MAST4: variants seen among roughly 807,000 people sequenced by gnomAD.
MAST4 encodes microtubule associated serine/threonine kinase family member 4, also known as microtubule-associated serine/threonine-protein kinase 4.
Under a neutral mutation model 162.7 loss-of-function variants are expected in MAST4, and 89 were observed. The observed-to-expected ratio is 0.55, with a 90% CI of 0.46 to 0.65. The LOEUF (loss-of-function observed/expected upper bound fraction) is 0.65, where lower values mean the gene tolerates loss of function less well. Ranked by LOEUF, MAST4 falls within the 30% of genes least tolerant of loss-of-function variation. MAST4 has a pLI of 0.00. For missense variants in MAST4, 3,153 were observed against 3,374.0 expected, an observed-to-expected ratio of 0.93 and a Z score of 1.62; for synonymous variants, 1,479 against 1,361.1, an observed-to-expected ratio of 1.09 and a Z score of -1.91.
At chr5:67,080,784 A>G (rs1011322236) in intron 5 of MAST4, among the ~76,000 whole-genome samples, 1 of 151,064 alleles carries the variant, frequency 6.6e-6, no homozygotes, top group African/African-American at 2.4e-5. Flanking sequence ...TCTGCCTCAA[A>G]AAAAATGAAA....
intron 3 of MAST4, among the ~76,000 whole-genome samples, chr5:66,845,948 T>G (rs896900129): frequency 1.3e-5 from 2 of 152,148 alleles, no homozygotes; most frequent in Non-Finnish European, 2.9e-5. Flanking sequence ...AAACATAACA[T>G]TTATTGAACT....
intron 1 of MAST4, among the ~76,000 whole-genome samples, chr5:66,700,072 G>A (rs1749668086): frequency 6.6e-6 from 1 of 152,198 alleles, no homozygotes. Context: ...CTGCAGCCCA[G>A]TGTCTTCTGC....
intron 4 of MAST4, among the ~76,000 whole-genome samples, chr5:66,981,963 A>G (rs1748905483): frequency 6.6e-6 from 1 of 152,160 alleles, no homozygotes; most frequent in Non-Finnish European, 1.5e-5. Context: ...ACTTTATCCC[A>G]TGATTTTTTA....
chr5:66,949,290 T>C (rs1305175404), intron 4 of MAST4, among the ~76,000 whole-genome samples: 6 of 152,146 alleles, frequency 3.9e-5, no homozygotes, highest in East Asian at 1.9e-4. Flanking sequence ...CCCACCCAGA[T>C]CTCGCCTTGA....
chr5:67,101,556 A>G (rs1182665760), intron 8 of MAST4, among the ~76,000 whole-genome samples: 1 of 152,214 alleles, frequency 6.6e-6, no homozygotes, highest in Non-Finnish European at 1.5e-5. Context: ...TCTTTATGCT[A>G]TAGAATTAGT....
intron 3 of MAST4, among the ~76,000 whole-genome samples, chr5:66,883,917 G>A (rs1046871966): frequency 2.0e-5 from 3 of 152,022 alleles, no homozygotes; most frequent in Non-Finnish European, 4.4e-5. Flanking sequence ...TTTTGGATGC[G>A]TTGCTGCAAT....
At chr5:66,609,570 A>G (rs1421052425) in intron 1 of MAST4, among the ~76,000 whole-genome samples, 1 of 147,910 alleles carries the variant, frequency 6.8e-6, no homozygotes, top group Non-Finnish European at 1.5e-5. Flanking sequence ...TTTTTTTTTT[A>G]AATACTGGGT....
At chr5:66,680,772 T>G (rs1204507873) in intron 1 of MAST4, among the ~76,000 whole-genome samples, 1 of 151,838 alleles carries the variant, frequency 6.6e-6, no homozygotes, top group East Asian at 1.9e-4. Flanking sequence ...GGAGAAAGAG[T>G]AAAGAGTGCA....
intron 1 of MAST4, among the ~76,000 whole-genome samples, chr5:66,671,039 A>G (rs902693710): frequency 1.3e-5 from 2 of 151,950 alleles, no homozygotes; most frequent in African/African-American, 2.4e-5. Context: ...GTTTTTTCTT[A>G]TATGGTTGCT....
intron 2 of MAST4, 122 bp from the exon 3 acceptor site, chr5:66,788,548 G>C: frequency 1.6e-6 from 2 of 1,271,634 alleles, no homozygotes; most frequent in Non-Finnish European, 2.2e-6. Flanking sequence ...TTATTACTGG[G>C]TATGGCAGAA....
chr5:66,924,273 T>C (rs1212199846), intron 4 of MAST4, among the ~76,000 whole-genome samples: 1 of 152,222 alleles, frequency 6.6e-6, no homozygotes, highest in African/African-American at 2.4e-5. Context: ...CCTGGAGGCA[T>C]TCCCAGTAAT....
At chr5:66,610,375 A>G (rs1743212332) in intron 1 of MAST4, among the ~76,000 whole-genome samples, 1 of 152,252 alleles carries the variant, frequency 6.6e-6, no homozygotes, top group South Asian at 2.1e-4. Flanking sequence ...AGATCAGCCT[A>G]CAACAGCCTA....
intron 4 of MAST4, among the ~76,000 whole-genome samples, chr5:67,051,378 G>T (rs1758163380): frequency 1.3e-5 from 2 of 152,128 alleles, no homozygotes; most frequent in African/African-American, 2.4e-5. Flanking sequence ...GCAGGAAAGT[G>T]TGTGATACCT....
At position 66,998,053 on chromosome 5, in the gene MAST4, A is replaced by G. The variant is rs1750870190; in HGVS notation, c.675-56351A>G. 2.0e-5 allele frequency among the ~76,000 whole-genome samples: 3 copies of G among 152,230 alleles called. No individual in the cohort carries two copies. In the South Asian group the frequency reaches 6.2e-4, roughly 32 times the overall value. Reference sequence around the variant, plus strand: ...TCTCATTTTAATGGCATAATTTTCCATAACTTTAGATGTATGACCTGGAAA... The same window carrying G: ...TCTCATTTTAATGGCATAATTTTCCGTAACTTTAGATGTATGACCTGGAAA... On this transcript the variant is annotated intron_variant, in intron 4 of 28. Transcript: ENST00000403625.
intron 10 of MAST4, among the ~76,000 whole-genome samples, chr5:67,108,503 A>G (rs779905543): frequency 6.6e-6 from 1 of 152,164 alleles, no homozygotes; most frequent in Non-Finnish European, 1.5e-5. Context: ...AGACAGTTTC[A>G]ATATTTGAGA....
chr5:66,826,912 G>A (rs1757290280), intron 3 of MAST4, among the ~76,000 whole-genome samples: 1 of 152,134 alleles, frequency 6.6e-6, no homozygotes, highest in Non-Finnish European at 1.5e-5. Flanking sequence ...GGAACTTTCT[G>A]TGCTCCTCTC....
intron 3 of MAST4, among the ~76,000 whole-genome samples, chr5:66,793,188 A>T (rs1046816197): frequency 6.6e-6 from 1 of 152,154 alleles, no homozygotes; most frequent in Non-Finnish European, 1.5e-5. Context: ...GGCTATGCTA[A>T]ATATAGTTGT....
intron 1 of MAST4, among the ~76,000 whole-genome samples, chr5:66,710,990 C>T (rs563887524): frequency 1.3e-5 from 2 of 152,322 alleles, no homozygotes; most frequent in Admixed American, 6.5e-5. Flanking sequence ...GAAGCATCCT[C>T]ATCTCCTTCA....
chr5:66,670,403 C>G (rs990854116), intron 1 of MAST4, among the ~76,000 whole-genome samples: 1 of 152,020 alleles, frequency 6.6e-6, no homozygotes, highest in African/African-American at 2.4e-5. Context: ...AACTCCTAAT[C>G]GTTGATTTAC....
Sources: allele counts gnomAD v4.1 joint callset (sites outside exome capture counted in the v4.1 genomes callset), GRCh38; gene constraint gnomAD v4.1.1; transcripts MANE v1.5; gene names NCBI Gene and HGNC (gene_info 2026-07-23, HGNC 2026-07-21).